The following FLNB variants were observed in gnomAD, a reference collection of about 807,000 sequenced individuals.
FLNB encodes the protein filamin B, also known as filamin-B.
In FLNB, 111 loss-of-function variants were observed where a neutral mutation model predicts 250.6. That is an observed-to-expected ratio of 0.44 (90% CI 0.38 to 0.52). FLNB has a LOEUF of 0.52. Among genes scored for constraint, FLNB ranks in the 20% least tolerant of loss-of-function variants. The pLI is 0.00. For synonymous variants in FLNB, 1,302 were observed against 1,372.1 expected, an observed-to-expected ratio of 0.95 and a Z score of 1.13; for missense variants, 2,869 against 3,447.8, an observed-to-expected ratio of 0.83 and a Z score of 4.20.
intron 4 of FLNB, among the ~76,000 whole-genome samples, chr3:58,092,653 A>G (rs1410616019): frequency 1.3e-5 from 2 of 152,130 alleles, no homozygotes; most frequent in Non-Finnish European, 2.9e-5. Flanking sequence ...CTCAAAACAA[A>G]AACAAAAACA....
rs1559746740 is a variant in FLNB at position 58,170,560 on chromosome 3, C to G, written c.7622-15C>G. 6.2e-7 allele frequency: 1 copy of G among 1,613,702 alleles called. No individual in the cohort carries two copies. The highest frequency in any genetic ancestry group is 1.3e-5 in the African/African-American group (1 of 74,898). On this transcript the variant is annotated splice_polypyrimidine_tract_variant and intron_variant, in intron 45 of 45. Coordinates refer to ENST00000295956, the MANE Select transcript of FLNB (RefSeq NM_001457.4). ...CTGATGCATCCGGGTGGAGTAACCA[C>G]CTTTTGCCTCCTAGGCTCCAACATG...
chr3:58,147,114 G>A, intron 34 of FLNB, 121 bp downstream of exon 34: 2 of 987,898 alleles, frequency 2.0e-6, no homozygotes, highest in Non-Finnish European at 3.1e-6. Context: ...GTTTCACAGA[G>A]ACTTGTTGAG....
In FLNB at chr3:58,148,477, C is replaced by T. The variant is rs1254308084; in HGVS notation, c.5887+113C>T. 4 of 1,357,628 alleles carry T rather than the reference C, an allele frequency of 2.9e-6. No homozygotes were observed. The Admixed American group carries it at 7.8e-5, about 26-fold the overall frequency. The allele number at this position is 1,357,628 out of a possible 1,614,324, so 84.1% of individuals were successfully genotyped here. A position where few individuals can be genotyped will look rare whatever the true frequency, so the allele number is the denominator to read the frequency against. ...CACAATGGAGTGTGATGTGATAAACCTGCTGGGTCACACGCACGATAAATG... is the reference window on the plus strand; with the variant it reads ...CACAATGGAGTGTGATGTGATAAACTTGCTGGGTCACACGCACGATAAATG... On this transcript the variant is annotated intron_variant, in intron 35 of 45. Transcript: ENST00000295956.
At chr3:58,140,180 GC>G (rs1268162218) in intron 29 of FLNB, among the ~76,000 whole-genome samples, 1 of 152,070 alleles carries the variant, frequency 6.6e-6, no homozygotes, top group East Asian at 1.9e-4. Flanking sequence ...TAAGTTTGAC[GC>G]CAAAAAAGGA....
At chr3:58,043,142 T>TTTTG (rs1491494448) in intron 1 of FLNB, among the ~76,000 whole-genome samples, 1 of 61,784 alleles carries the variant, frequency 1.6e-5, no homozygotes, top group Non-Finnish European at 2.9e-5. Context: ...TTGGCATTCC[T>TTTTG]TTTTTTTTTT....
chr3:58,166,959 C>G (rs1417030815), intron 43 of FLNB, among the ~76,000 whole-genome samples: 1 of 152,156 alleles, frequency 6.6e-6, no homozygotes, highest in Admixed American at 6.6e-5. Context: ...GACCCCATCT[C>G]TACTAAAGAA....
intron 1 of FLNB, among the ~76,000 whole-genome samples, chr3:58,064,672 A>T (rs1041462981): frequency 4.6e-5 from 7 of 151,872 alleles, no homozygotes; most frequent in Non-Finnish European, 8.8e-5. Context: ...GCAGTGCGGC[A>T]TGCATAGGGG....
intron 1 of FLNB, among the ~76,000 whole-genome samples, chr3:58,031,302 T>G (rs573656709): frequency 2.6e-4 from 40 of 152,086 alleles, no homozygotes; most frequent in African/African-American, 8.7e-4. Flanking sequence ...GAGTGCAGTG[T>G]TGCGATCTCG....
At position 58,100,382 on chromosome 3, in the gene FLNB, A is replaced by ATATATATATATATATATATATATATT. The variant is rs1485395843; in HGVS notation, c.1345+1477_1345+1478insATATATATATATATATATATATTTAT. On this transcript the variant is annotated intron_variant, in intron 8 of 45. Coordinates refer to ENST00000295956, the MANE Select transcript of FLNB (RefSeq NM_001457.4). ...ACATATGTAAAAAAAAAATATATAT[A>ATATATATATATATATATATATATATT]TATTTGCAGGGGCGCGGTGGGAAGG... is the stretch of plus-strand genomic sequence containing the variant. 1.6e-5 allele frequency among the ~76,000 whole-genome samples: 2 copies of ATATATATATATATATATATATATATT among 127,716 alleles called. 1 individual carries two copies. Among genetic ancestry groups the ATATATATATATATATATATATATATT allele is most frequent in the African/African-American group, 6.9e-5 (2 of 29,122 alleles). The allele number at this position is 127,716 out of a possible 152,430, so 83.8% of individuals were successfully genotyped here. A position where few individuals can be genotyped will look rare whatever the true frequency, so the allele number is the denominator to read the frequency against.
intron 1 of FLNB, among the ~76,000 whole-genome samples, chr3:58,015,029 C>T (rs2097103998): frequency 6.6e-6 from 1 of 152,178 alleles, no homozygotes; most frequent in Admixed American, 6.5e-5. Flanking sequence ...ACCCAGCCAA[C>T]TTTGCTACAT....
intron 1 of FLNB, among the ~76,000 whole-genome samples, chr3:58,072,357 T>C (rs2097195817): frequency 6.6e-6 from 1 of 152,158 alleles, no homozygotes; most frequent in Non-Finnish European, 1.5e-5. Context: ...AAAAAGGCCC[T>C]GGAGCAAGTC....
intron 32 of FLNB, among the ~76,000 whole-genome samples, chr3:58,145,028 C>T (rs548530419): frequency 3.2e-4 from 48 of 152,308 alleles, no homozygotes; most frequent in African/African-American, 9.4e-4. Context: ...AAATGTTTCT[C>T]TGAGATTGGC....
In FLNB at chr3:58,132,798, C is replaced by T; in HGVS notation, c.4391-10C>T. 1 of 1,614,146 alleles carries T rather than the reference C, an allele frequency of 6.2e-7. No homozygotes were observed. Among genetic ancestry groups the T allele is most frequent in the Non-Finnish European group, 8.5e-7 (1 of 1,180,032 alleles). On this transcript the variant is annotated splice_polypyrimidine_tract_variant and intron_variant, in intron 25 of 45. Coordinates refer to ENST00000295956, the MANE Select transcript of FLNB (RefSeq NM_001457.4). ...AGGCAGCTCCTTAAACCTCTCATCT[C>T]TGTCCTCAGGCTTGGTGGAGCCAGT...
At chr3:58,068,640 G>T (rs551406378) in intron 1 of FLNB, among the ~76,000 whole-genome samples, 12 of 152,176 alleles carry the variant, frequency 7.9e-5, no homozygotes, top group Admixed American at 2.6e-4. Flanking sequence ...CAGAAAACAG[G>T]CAAGGATGGA....
intron 12 of FLNB, among the ~76,000 whole-genome samples, chr3:58,107,563 G>A (rs1053914541): frequency 5.3e-5 from 8 of 152,156 alleles, no homozygotes; most frequent in Non-Finnish European, 1.0e-4. Context: ...GCAACTCCGG[G>A]GATCATATGT....
intron 20 of FLNB, among the ~76,000 whole-genome samples, chr3:58,121,736 G>T (rs532716154): frequency 2.0e-5 from 3 of 152,064 alleles, no homozygotes; most frequent in South Asian, 4.1e-4. Context: ...TTCTTTCTTC[G>T]CTTGTTAGCA....
intron 1 of FLNB, among the ~76,000 whole-genome samples, chr3:58,013,856 GA>G (rs1173510715): frequency 6.6e-6 from 1 of 152,162 alleles, no homozygotes; most frequent in African/African-American, 2.4e-5. Context: ...TGCTTTGTCA[GA>G]ATTATTAATA....
At chr3:58,157,674 G>C (rs1476643739) in intron 41 of FLNB, among the ~76,000 whole-genome samples, 2 of 152,192 alleles carry the variant, frequency 1.3e-5, no homozygotes, top group South Asian at 2.1e-4. Flanking sequence ...TTGAGGGCAG[G>C]AGCTGCCCTC....
rs187669646 is a variant in FLNB, at chr3:58,153,096, C to T, written c.6368-279C>T. On this transcript the variant is annotated intron_variant, in intron 38 of 45. Transcript: ENST00000295956. The stretch of plus-strand genomic sequence containing the variant: ...TGATGGCTCTTGTTTTCTACCCTTA[C>T]CTATCTGTGGAAAGGAGCCCGTCTG... Among the ~76,000 whole-genome samples the T allele has an allele frequency of 1.7e-4, 26 of 152,372 alleles. No homozygotes were observed. The East Asian group carries it at 3.9e-3, about 23-fold the overall frequency.
Sources: gnomAD v4.1 joint callset for allele counts (sites outside exome capture counted in the v4.1 genomes callset) on GRCh38, gnomAD v4.1.1 for gene constraint, MANE v1.5 for transcripts, NCBI Gene and HGNC (gene_info 2026-07-23, HGNC 2026-07-21) for gene names.